Variants in CCND3 observed in about 807,000 individuals in gnomAD.
CCND3 encodes the protein cyclin D3.
A neutral mutation model predicts 28.7 loss-of-function variants in CCND3; 9 were observed. The observed-to-expected ratio is 0.31, with a 90% confidence interval of 0.19 to 0.55. CCND3 has a LOEUF of 0.55. Among genes scored for constraint, CCND3 ranks in the 20% least tolerant of loss-of-function variants. The pLI, the probability that CCND3 is intolerant of heterozygous loss-of-function variation, is 0.93. For missense variants in CCND3, 315 were observed against 385.8 expected (o/e 0.82, Z 1.54); for synonymous variants, 164 against 163.9 (o/e 1.00, Z 0.00).
intron 1 of CCND3, among the ~76,000 whole-genome samples, chr6:42,042,740 C>T (rs368197483): frequency 2.0e-5 from 3 of 152,260 alleles, no homozygotes; most frequent in African/African-American, 4.8e-5. Context: ...ATAATGCCTC[C>T]CTCATGGTCT....
At chr6:41,940,657 G>T in intron 1 of CCND3, 72 bp from the exon 2 acceptor site, 2 of 1,088,880 alleles carry the variant, frequency 1.8e-6, no homozygotes, top group East Asian at 2.4e-5. Flanking sequence ...TGGGAGCGCT[G>T]AAGTGAGGTG....
chr6:41,950,006 G>A (rs1301538054), intron 1 of CCND3, among the ~76,000 whole-genome samples: 4 of 151,222 alleles, frequency 2.6e-5, no homozygotes, highest in East Asian at 1.9e-4. Flanking sequence ...GGGAGGCTGA[G>A]GTAGGAGAAT....
At chr6:42,023,986 C>T (rs1375532715) in intron 1 of CCND3, among the ~76,000 whole-genome samples, 1 of 152,176 alleles carries the variant, frequency 6.6e-6, no homozygotes, top group African/African-American at 2.4e-5. Flanking sequence ...AGGCACTGTT[C>T]TGAGTGCTGT....
In CCND3 at chr6:42,048,608, C is replaced by A. The variant is rs982738645; in HGVS notation, c.-153G>T. On this transcript the variant is annotated 5_prime_UTR_variant, in exon 1 of 5. Transcript: ENST00000372988. The surrounding 1 kb of genome is among the most constrained non-coding windows in gnomAD (Gnocchi z 4.7). ...AGTGGGGGTGGTCGCAACCACCAGC[C>A]GCGAGGAGAGGATTGCACCTCTCCC... is the stretch of plus-strand genomic sequence containing the variant. 1 of 517,074 alleles carries A rather than the reference C, an allele frequency of 1.9e-6. No individual in the cohort carries two copies. The allele number at this position is 517,074 out of a possible 1,614,324, so 32.0% of individuals were successfully genotyped here. A position where few individuals can be genotyped will look rare whatever the true frequency, so the allele number is the denominator to read the frequency against.
At chr6:41,945,491 GCAA>G (rs1454503481), upstream of CCND3, among the ~76,000 whole-genome samples, 1 of 151,728 alleles carries the variant, frequency 6.6e-6, no homozygotes, top group Non-Finnish European at 1.5e-5. Context: ...TCTAGCCAGG[GCAA>G]CAAGAGCGAA....
chr6:41,956,856 G>A (rs1371059201), intron 1 of CCND3, among the ~76,000 whole-genome samples: 3 of 151,698 alleles, frequency 2.0e-5, no homozygotes, highest in African/African-American at 4.8e-5. Flanking sequence ...GTGAAACCCC[G>A]CCTCTACTAA....
chr6:42,048,741 G>C lies in CCND3; in HGVS notation c.-286C>G, dbSNP rs573330752. 1 of 491,900 alleles carries C rather than the reference G, an allele frequency of 2.0e-6. No individual in the cohort carries two copies. The allele number at this position is 491,900 out of a possible 1,614,324, so 30.5% of individuals were successfully genotyped here. A position where few individuals can be genotyped will look rare whatever the true frequency, so the allele number is the denominator to read the frequency against. On this transcript the variant is annotated 5_prime_UTR_variant, in exon 1 of 5. Coordinates refer to the CCND3 transcript ENST00000372988. This position sits in a 1 kb window ranked among gnomAD's most constrained non-coding sequence, Gnocchi z 4.7. ...AGAGCTGGGCAGGAAGTGGGGAAGA[G>C]GGGGCGGAGGAGACAAAGGGGCTGG...
intron 1 of CCND3, among the ~76,000 whole-genome samples, chr6:42,019,184 T>C (rs190246891): frequency 6.6e-6 from 1 of 152,064 alleles, no homozygotes; most frequent in Admixed American, 6.6e-5. Flanking sequence ...GCATAAAAAA[T>C]GTAAAACAAA....
At chr6:41,946,993 G>A (rs1218908091) in intron 1 of CCND3, among the ~76,000 whole-genome samples, 1 of 152,112 alleles carries the variant, frequency 6.6e-6, no homozygotes, top group African/African-American at 2.4e-5. Flanking sequence ...GCCGAGGCGG[G>A]CAGATCACGA....
At chr6:42,004,340 T>C (rs2127423901) in intron 1 of CCND3, among the ~76,000 whole-genome samples, 1 of 152,152 alleles carries the variant, frequency 6.6e-6, no homozygotes, top group Non-Finnish European at 1.5e-5. Context: ...CCAATAAATT[T>C]GATACAGACA....
At chr6:41,972,036 T>G (rs904684371) in intron 1 of CCND3, among the ~76,000 whole-genome samples, 4 of 149,230 alleles carry the variant, frequency 2.7e-5, no homozygotes, top group Non-Finnish European at 5.9e-5. Context: ...CCATCCTGGC[T>G]AACATGGTGA....
intron 1 of CCND3, among the ~76,000 whole-genome samples, chr6:42,037,804 G>A (rs559707903): frequency 1.6e-3 from 236 of 151,818 alleles, no homozygotes; most frequent in African/African-American, 5.4e-3. Flanking sequence ...AGGCCGAGGC[G>A]GACGGATCAT....
At chr6:41,984,344 TTTTG>T (rs892246499) in intron 1 of CCND3, among the ~76,000 whole-genome samples, 2 of 152,062 alleles carry the variant, frequency 1.3e-5, no homozygotes, top group East Asian at 1.9e-4. Flanking sequence ...AGTTCTGTTT[TTTTG>T]TTTGTTTGTT....
At chr6:41,950,135 C>T (rs1582098633) in intron 1 of CCND3, among the ~76,000 whole-genome samples, 1 of 151,274 alleles carries the variant, frequency 6.6e-6, no homozygotes, top group East Asian at 1.9e-4. Flanking sequence ...TAAGCATTTG[C>T]TTTTTCTTCC....
At chr6:41,955,126 G>A (rs1776406451) in intron 1 of CCND3, among the ~76,000 whole-genome samples, 2 of 152,058 alleles carry the variant, frequency 1.3e-5, no homozygotes, top group South Asian at 2.1e-4. Context: ...TAGCAAACAG[G>A]CAGCATTCTC....
At chr6:41,982,600 G>T (rs910941089) in intron 1 of CCND3, among the ~76,000 whole-genome samples, 1 of 152,112 alleles carries the variant, frequency 6.6e-6, no homozygotes, top group Non-Finnish European at 1.5e-5. Flanking sequence ...TATATTGAGA[G>T]GCAAAAGACC....
At chr6:41,943,760 A>G (rs1329832484), upstream of CCND3, among the ~76,000 whole-genome samples, 3 of 152,206 alleles carry the variant, frequency 2.0e-5, no homozygotes, top group Non-Finnish European at 2.9e-5. Flanking sequence ...ATTTTTCAAA[A>G]CAACTCTGCC....
intron 1 of CCND3, among the ~76,000 whole-genome samples, chr6:42,035,972 G>A (rs376965018): frequency 1.3e-5 from 2 of 151,526 alleles, no homozygotes; most frequent in African/African-American, 4.8e-5. Flanking sequence ...CATCACTCCC[G>A]GCCTAAAAAT....
At chr6:41,951,572 ACAC>A (rs201582266) in intron 1 of CCND3, among the ~76,000 whole-genome samples, 18 of 107,000 alleles carry the variant, frequency 1.7e-4, no homozygotes, top group Admixed American at 1.9e-4. Context: ...ACACACACAC[ACAC>A]AAAAAAAAAG....
Sources: gnomAD v4.1 joint callset for allele counts (sites outside exome capture counted in the v4.1 genomes callset) on GRCh38, gnomAD v4.1.1 for gene constraint, Gnocchi (gnomAD v3.1) non-coding constraint, MANE v1.5 for transcripts, NCBI Gene and HGNC (gene_info 2026-07-23, HGNC 2026-07-21) for gene names.